Variants in SSBP3 observed in about 807,000 individuals in gnomAD.
The protein encoded by SSBP3 is single-stranded DNA-binding protein 3.
A neutral mutation model predicts 69.6 loss-of-function variants in SSBP3; 5 were observed. That is an observed-to-expected ratio of 0.07 (90% CI 0.04 to 0.15). SSBP3 has a LOEUF of 0.15. Among genes scored for constraint, SSBP3 ranks in the 10% least tolerant of loss-of-function variants. SSBP3 has a pLI of 1.00. For missense variants in SSBP3, 312 were observed against 534.0 expected (o/e 0.58, Z 4.10); for synonymous variants, 196 against 193.4 (o/e 1.01, Z -0.11).
intron 4 of SSBP3, among the ~76,000 whole-genome samples, chr1:54,281,944 A>C (rs940802225): frequency 6.6e-6 from 1 of 151,954 alleles, no homozygotes; most frequent in African/African-American, 2.4e-5. Flanking sequence ...AAAAAATAAA[A>C]AATTAGCTGG....
chr1:54,337,568 G>A (rs758730570), intron 4 of SSBP3, among the ~76,000 whole-genome samples: 14 of 123,302 alleles, frequency 1.1e-4, no homozygotes, highest in African/African-American at 1.5e-4. Context: ...CACCATCTCC[G>A]CTCACTGCAA....
At chr1:54,264,690 C>T (rs1374578236) in intron 5 of SSBP3, among the ~76,000 whole-genome samples, 4 of 152,220 alleles carry the variant, frequency 2.6e-5, no homozygotes, top group African/African-American at 9.6e-5. Flanking sequence ...GTCACGAAAG[C>T]TGTGAGAGTT....
intron 4 of SSBP3, among the ~76,000 whole-genome samples, chr1:54,306,977 G>T (rs562996728): frequency 6.6e-6 from 1 of 152,240 alleles, no homozygotes; most frequent in Admixed American, 6.5e-5. Flanking sequence ...TCAACCTTGA[G>T]ATTCTAAAGG....
intron 4 of SSBP3, among the ~76,000 whole-genome samples, chr1:54,297,560 G>A (rs1645724267): frequency 6.6e-6 from 1 of 152,184 alleles, no homozygotes; most frequent in African/African-American, 2.4e-5. Context: ...GAACTTGGGA[G>A]GCAGAGGTTG....
At chr1:54,240,271 T>C (rs1158743856) in intron 13 of SSBP3, among the ~76,000 whole-genome samples, 1 of 148,186 alleles carries the variant, frequency 6.7e-6, no homozygotes, top group Non-Finnish European at 1.5e-5. Flanking sequence ...CCAGCCTGGG[T>C]ACATGGTGAA....
At chr1:54,335,745 C>T (rs1043815585) in intron 4 of SSBP3, 4 of 152,284 alleles carry the variant, frequency 2.6e-5, no homozygotes, top group Non-Finnish European at 4.4e-5. Context: ...GTAAGACAAG[C>T]ACTCTGATCC....
intron 4 of SSBP3, among the ~76,000 whole-genome samples, chr1:54,383,139 C>T (rs1169422432): frequency 2.0e-5 from 3 of 151,930 alleles, no homozygotes; most frequent in African/African-American, 4.8e-5. Context: ...TTTGGGAGGC[C>T]GAGGTGGGCG....
intron 4 of SSBP3, among the ~76,000 whole-genome samples, chr1:54,315,443 A>C (rs1646077986): frequency 2.0e-5 from 3 of 152,196 alleles, no homozygotes. Context: ...TGGTACAGAA[A>C]GTAGAAAAGT....
At chr1:54,346,625 T>C (rs1392695340) in intron 4 of SSBP3, among the ~76,000 whole-genome samples, 4 of 152,008 alleles carry the variant, frequency 2.6e-5, no homozygotes, top group African/African-American at 9.7e-5. Context: ...CCATCCTGAC[T>C]GACACGGTGA....
At chr1:54,395,093 A>G (rs576020067) in intron 4 of SSBP3, among the ~76,000 whole-genome samples, 3 of 152,278 alleles carry the variant, frequency 2.0e-5, no homozygotes, top group Non-Finnish European at 4.4e-5. Flanking sequence ...TACAATAAAA[A>G]AAAATCAGGC....
At chr1:54,283,659 C>A (rs1299698536) in intron 4 of SSBP3, among the ~76,000 whole-genome samples, 1 of 152,210 alleles carries the variant, frequency 6.6e-6, no homozygotes, top group African/African-American at 2.4e-5. Flanking sequence ...GCAAGCCGCA[C>A]GTTACTTTTC....
chr1:54,319,021 C>T (rs1432287128), intron 4 of SSBP3, among the ~76,000 whole-genome samples: 2 of 152,122 alleles, frequency 1.3e-5, no homozygotes, highest in African/African-American at 2.4e-5. Context: ...TGGCCGAATC[C>T]TTAGTGTTCT....
At chr1:54,252,201 A>AC (rs1644842605) in intron 7 of SSBP3, among the ~76,000 whole-genome samples, 1 of 152,060 alleles carries the variant, frequency 6.6e-6, no homozygotes, top group African/African-American at 2.4e-5. Context: ...TGTAGCACCA[A>AC]CCACCTTCCT....
chr1:54,403,703 T>G (rs1361609138), intron 3 of SSBP3, among the ~76,000 whole-genome samples: 1 of 152,222 alleles, frequency 6.6e-6, no homozygotes, highest in African/African-American at 2.4e-5. Context: ...CACACCGTTT[T>G]GCTGAACTCC....
intron 4 of SSBP3, among the ~76,000 whole-genome samples, chr1:54,334,411 A>G (rs1458035091): frequency 3.3e-5 from 5 of 152,210 alleles, no homozygotes; most frequent in Non-Finnish European, 7.3e-5. Flanking sequence ...GTCAGATGTT[A>G]TAAAGACTCT....
At chr1:54,227,977 ACTCT>A (rs982258549) in intron 17 of SSBP3, among the ~76,000 whole-genome samples, 1 of 151,854 alleles carries the variant, frequency 6.6e-6, no homozygotes, top group African/African-American at 2.4e-5. Flanking sequence ...TACTGCCCCA[ACTCT>A]CTCAGCCCAG....
chr1:54,399,961 A>T (rs1393952463), intron 4 of SSBP3, among the ~76,000 whole-genome samples: 5 of 152,188 alleles, frequency 3.3e-5, no homozygotes, highest in Non-Finnish European at 5.9e-5. Flanking sequence ...CCAATTCAAA[A>T]AAAAAGGTTT....
At chr1:54,291,725 GA>G (rs1339784700) in intron 4 of SSBP3, among the ~76,000 whole-genome samples, 2 of 152,210 alleles carry the variant, frequency 1.3e-5, no homozygotes, top group East Asian at 3.8e-4. Flanking sequence ...AGCAAATAAA[GA>G]ATGATGTAGG....
At chr1:54,392,563 A>G (rs972536152) in intron 4 of SSBP3, among the ~76,000 whole-genome samples, 3 of 152,228 alleles carry the variant, frequency 2.0e-5, no homozygotes, top group Admixed American at 6.5e-5. Flanking sequence ...AGTTGGTTTC[A>G]TGATGTATTA....
Sources: gnomAD v4.1 joint callset for allele counts (sites outside exome capture counted in the v4.1 genomes callset) on GRCh38, gnomAD v4.1.1 for gene constraint, MANE v1.5 for transcripts, NCBI Gene and HGNC (gene_info 2026-07-23, HGNC 2026-07-21) for gene names.